PLEKHA1: variants seen among roughly 807,000 people sequenced by gnomAD.
The protein encoded by PLEKHA1 is pleckstrin homology domain containing A1, also known as pleckstrin homology domain-containing family A member 1.
Under a neutral mutation model 52.0 loss-of-function variants are expected in PLEKHA1, and 34 were observed. The observed-to-expected ratio is 0.65, with a 90% CI of 0.50 to 0.87. The LOEUF is 0.87. Ranked by LOEUF, PLEKHA1 falls within the 40% of genes least tolerant of loss-of-function variation. PLEKHA1 has a pLI of 0.00. For missense variants in PLEKHA1, 497 were observed against 504.2 expected (o/e 0.99, Z 0.14); for synonymous variants, 163 against 170.7 (o/e 0.95, Z 0.35).
chr10:122,429,716 C>G lies in PLEKHA1; in HGVS notation c.993C>G (p.Asn331Lys). ...CACATTCCACAGCCTCTCGCAGCAA[C>G]TCTTTGGTCTCAACCTTTACCATGG... Reference protein sequence around the residue: ...ATSHSTASRSNSLVSTFTMEK... With the variant: ...ATSHSTASRSKSLVSTFTMEK... Residue 331 changes from asparagine to lysine, a missense_variant, in exon 12 of 12, where the codon AAC becomes AAG. Transcript: ENST00000368990. 6.2e-7 allele frequency: 1 copy of G among 1,614,180 alleles called. No homozygotes were observed. Among genetic ancestry groups the G allele is most frequent in the Non-Finnish European group, 8.5e-7 (1 of 1,180,042 alleles).
At chr10:122,390,351 T>C (rs2096759072) in intron 1 of PLEKHA1, among the ~76,000 whole-genome samples, 1 of 152,266 alleles carries the variant, frequency 6.6e-6, no homozygotes, top group Non-Finnish European at 1.5e-5. Context: ...AGTAGCACTT[T>C]TAATTTCCTT....
the PLEKHA1 span, chr10:122,440,085 A>G: frequency 6.6e-6 from 1 of 152,212 alleles, no homozygotes; most frequent in African/African-American, 2.4e-5. Context: ...AAGTTGTGCT[A>G]TCTTCTGATT....
chr10:122,424,401 T>A, intron 9 of PLEKHA1, 138 bp downstream of exon 9: 1 of 982,530 alleles, frequency 1.0e-6, no homozygotes, highest in Non-Finnish European at 1.4e-6. Flanking sequence ...TGAGATACAC[T>A]AGAATTTTCA....
At chr10:122,386,629 TC>T (rs1422628506) in intron 1 of PLEKHA1, 1 of 152,222 alleles carries the variant, frequency 6.6e-6, no homozygotes, top group Non-Finnish European at 1.5e-5. Context: ...GAGTCAGTGA[TC>T]CATTTGAGTT....
intron 8 of PLEKHA1, chr10:122,419,635 C>A (rs539923563): frequency 5.9e-5 from 9 of 152,266 alleles, no homozygotes; most frequent in African/African-American, 2.2e-4. Context: ...TTCAGGAGTT[C>A]AGTTTTGGTG....
At chr10:122,389,847 G>T (rs1367040953) in intron 1 of PLEKHA1, among the ~76,000 whole-genome samples, 1 of 152,138 alleles carries the variant, frequency 6.6e-6, no homozygotes, top group African/African-American at 2.4e-5. Context: ...GGAATGGTAA[G>T]TGAGCAGTGA....
Position 122,413,038 on chromosome 10 carries a change from C to T in PLEKHA1, c.461C>T (p.Pro154Leu). ...GTTGGTGGCGTACCCATCATTACTCCCACTCAGGTAATTAAGTAACTCTTC... is the reference window on the plus strand; with the variant it reads ...GTTGGTGGCGTACCCATCATTACTCTCACTCAGGTAATTAAGTAACTCTTC... ...DIVGGVPIIT[P>L]TQKEEVNECG... The change falls in exon 6 of 12, where the codon CCC (proline) becomes CTC (leucine). Residue 154 changes from proline to leucine, a missense_variant. Transcript: ENST00000368990. 6.2e-7 allele frequency: 1 copy of T among 1,611,540 alleles called. No homozygotes were observed. Among genetic ancestry groups the T allele is most frequent in the Non-Finnish European group, 8.5e-7 (1 of 1,178,438 alleles).
At chr10:122,438,680 C>G in the PLEKHA1 span, 1 of 152,228 alleles carries the variant, frequency 6.6e-6, no homozygotes, top group Non-Finnish European at 1.5e-5. Context: ...CCACTGAGCT[C>G]TGTGTGCATG....
At chr10:122,435,969 A>G (rs7072204), downstream of PLEKHA1, 72,448 of 151,920 alleles carry the variant, frequency 0.48, 17,902 homozygotes, top group East Asian at 0.62. Flanking sequence ...AACTAATACA[A>G]TATTATAACC....
At chr10:122,413,228 T>G (rs932175996) in intron 6 of PLEKHA1, among the ~76,000 whole-genome samples, 183 bp downstream of exon 6, 1 of 152,176 alleles carries the variant, frequency 6.6e-6, no homozygotes, top group Non-Finnish European at 1.5e-5. Flanking sequence ...ATTTAAAACT[T>G]CTCATGATTT....
chr10:122,418,043 C>A lies in PLEKHA1; in HGVS notation c.681+75C>A, dbSNP rs1163528966. 6 of 1,172,752 alleles carry A rather than the reference C, an allele frequency of 5.1e-6. No individual in the cohort carries two copies. The Admixed American group carries it at 1.1e-4, about 21-fold the overall frequency. The allele number at this position is 1,172,752 out of a possible 1,614,324, so 72.6% of individuals were successfully genotyped here. ...GCAATGTAGTGATTATATATAATTTCTTGTACTGTTCTGTAGTTTCAGAAT... is the reference window on the plus strand; with the variant it reads ...GCAATGTAGTGATTATATATAATTTATTGTACTGTTCTGTAGTTTCAGAAT... On this transcript the variant is annotated intron_variant, in intron 8 of 11. Coordinates refer to ENST00000368990, the MANE Select transcript of PLEKHA1 (RefSeq NM_001001974.4).
chr10:122,427,247 A>C lies in PLEKHA1; in HGVS notation c.900+216A>C, dbSNP rs568912811. On this transcript the variant is annotated intron_variant, in intron 11 of 11. Transcript: ENST00000368990. The stretch of plus-strand genomic sequence containing the variant: ...CTTTCTGTGCATTGTATTGTGTTAA[A>C]TGCACAAGTAGGGCAACTAAAGAAT... 1.7e-4 allele frequency among the ~76,000 whole-genome samples: 26 copies of C among 152,344 alleles called. No homozygotes were observed. The South Asian group carries it at 2.5e-3, about 15-fold the overall frequency.
chr10:122,417,294 G>C (rs11200619), intron 7 of PLEKHA1, among the ~76,000 whole-genome samples: 1 of 151,602 alleles, frequency 6.6e-6, no homozygotes, highest in Non-Finnish European at 1.5e-5. Context: ...TGGGGTTGGC[G>C]GGGGCGAGGA....
At position 122,429,667 on chromosome 10, in the gene PLEKHA1, C is replaced by T. The variant is rs756107690; in HGVS notation, c.944C>T (p.Pro315Leu). The T allele has an allele frequency of 1.9e-5, 31 of 1,613,946 alleles. No homozygotes were observed. Among genetic ancestry groups the T allele is most frequent in the Non-Finnish European group, 2.5e-5 (29 of 1,180,010 alleles). ...GPSESKHAFR[P>L]TNAATATSHS... ...TCAGAATCCAAACACGCTTTCCGTC[C>T]TACCAACGCAGCCACCGCCACCTCA... is the stretch of plus-strand genomic sequence containing the variant. The change falls in exon 12 of 12, where the codon CCT becomes CTT. Residue 315 changes from proline (P) to leucine (L), a missense_variant. Pro to Leu is a moderately conservative substitution (Grantham distance 98). Transcript: ENST00000368990.
At chr10:122,402,621 G>T (rs1448695140) in intron 4 of PLEKHA1, among the ~76,000 whole-genome samples, 1 of 152,120 alleles carries the variant, frequency 6.6e-6, no homozygotes, top group Non-Finnish European at 1.5e-5. Context: ...CATTTTCTGG[G>T]GAAGCAACAG....
chr10:122,405,721 A>C (rs947490641), intron 4 of PLEKHA1, among the ~76,000 whole-genome samples: 8 of 152,064 alleles, frequency 5.3e-5, no homozygotes, highest in Non-Finnish European at 1.0e-4. Context: ...CAAGGGCTAG[A>C]GAGACAAAAG....
intron 4 of PLEKHA1, among the ~76,000 whole-genome samples, chr10:122,402,716 CCTT>C (rs569896709): frequency 2.9e-4 from 44 of 152,260 alleles, no homozygotes; most frequent in African/African-American, 8.4e-4. Flanking sequence ...GGGCAGACAC[CCTT>C]CTTCTGTCCC....
intron 10 of PLEKHA1, 120 bp from the exon 11 acceptor site, chr10:122,426,822 G>A: frequency 1.1e-6 from 1 of 905,882 alleles, no homozygotes; most frequent in Non-Finnish European, 1.6e-6. Context: ...TTTGGAAACA[G>A]TTGCCTTAGA....
chr10:122,376,413 A>G (rs569097048), intron 1 of PLEKHA1, among the ~76,000 whole-genome samples: 9 of 151,468 alleles, frequency 5.9e-5, no homozygotes, highest in Admixed American at 5.9e-4. Flanking sequence ...ATACTGCCGT[A>G]AACCTTACAC....
Sources: gnomAD v4.1 joint callset for allele counts (sites outside exome capture counted in the v4.1 genomes callset) on GRCh38, gnomAD v4.1.1 for gene constraint, MANE v1.5 for transcripts, NCBI Gene and HGNC (gene_info 2026-07-23, HGNC 2026-07-21) for gene names.